The following COL13A1 variants were observed in gnomAD, a reference collection of about 807,000 sequenced individuals.
COL13A1 encodes the protein collagen alpha-1(XIII) chain.
In COL13A1, 89 loss-of-function variants were observed where a neutral mutation model predicts 130.9. The ratio of observed to expected loss-of-function variants is 0.68; its 90% CI spans 0.57 to 0.81. COL13A1 has a LOEUF of 0.81. Ranked by LOEUF, COL13A1 falls within the 30% of genes least tolerant of loss-of-function variation. The pLI, the probability that COL13A1 is intolerant of heterozygous loss-of-function variation, is 0.00. For synonymous variants in COL13A1, 402 were observed against 341.6 expected, an observed-to-expected ratio of 1.18 and a Z score of -1.95; for missense variants, 879 against 934.6, an observed-to-expected ratio of 0.94 and a Z score of 0.78.
intron 38 of COL13A1, among the ~76,000 whole-genome samples, chr10:69,952,160 AT>A (rs1287955516): frequency 6.6e-6 from 1 of 152,224 alleles, no homozygotes; most frequent in Non-Finnish European, 1.5e-5. Context: ...AGAGACACAG[AT>A]AGAACAGGAG....
At chr10:69,866,659 C>G (rs1031077257) in intron 2 of COL13A1, among the ~76,000 whole-genome samples, 1 of 152,084 alleles carries the variant, frequency 6.6e-6, no homozygotes, top group Non-Finnish European at 1.5e-5. Context: ...CACCTCTTGA[C>G]TTTTTCTGTT....
At chr10:69,910,691 G>A (rs1051362245) in intron 17 of COL13A1, among the ~76,000 whole-genome samples, 6 of 152,350 alleles carry the variant, frequency 3.9e-5, no homozygotes, top group Middle Eastern at 6.8e-3. Context: ...GTATCTATTT[G>A]ATCCAAATTT....
At chr10:69,953,532 C>T (rs1399319240) in intron 39 of COL13A1, among the ~76,000 whole-genome samples, 2 of 152,198 alleles carry the variant, frequency 1.3e-5, no homozygotes, top group Admixed American at 1.3e-4. Flanking sequence ...AAGCTGCAGA[C>T]CAGAACTGGT....
At chr10:69,833,975 TC>T (rs774063560) in intron 2 of COL13A1, among the ~76,000 whole-genome samples, 3 of 152,102 alleles carry the variant, frequency 2.0e-5, no homozygotes, top group Non-Finnish European at 4.4e-5. Flanking sequence ...ATGTGATGTA[TC>T]CAGCTGTGTA....
chr10:69,813,802 G>A (rs111309304), intron 1 of COL13A1, among the ~76,000 whole-genome samples: 43 of 152,296 alleles, frequency 2.8e-4, no homozygotes, highest in African/African-American at 9.6e-4. Flanking sequence ...TAACCCCTTT[G>A]GTGGAGCCAG....
intron 2 of COL13A1, among the ~76,000 whole-genome samples, chr10:69,830,957 AT>A (rs1295674611): frequency 7.2e-5 from 11 of 152,074 alleles, no homozygotes; most frequent in Admixed American, 7.2e-4. Context: ...ATCTTTATGG[AT>A]TTAGCATAAT....
intron 2 of COL13A1, among the ~76,000 whole-genome samples, chr10:69,827,841 A>T (rs1414502449): frequency 6.6e-6 from 1 of 152,172 alleles, no homozygotes; most frequent in Admixed American, 6.5e-5. Context: ...CAGGACCTGT[A>T]GCCAGAGCTT....
chr10:69,886,074 C>A (rs772689425), intron 7 of COL13A1, among the ~76,000 whole-genome samples: 128 of 152,298 alleles, frequency 8.4e-4, no homozygotes, highest in Non-Finnish European at 1.5e-3. Flanking sequence ...AGGGTCATAG[C>A]ATGTGAATCC....
intron 27 of COL13A1, 121 bp downstream of exon 27, chr10:69,927,231 T>A: frequency 6.8e-7 from 1 of 1,475,828 alleles, no homozygotes; most frequent in Non-Finnish European, 9.4e-7. Context: ...CAGATTAGGG[T>A]TGACCCAACA....
At chr10:69,857,003 C>G (rs1157770853) in intron 2 of COL13A1, among the ~76,000 whole-genome samples, 1 of 152,222 alleles carries the variant, frequency 6.6e-6, no homozygotes, top group Non-Finnish European at 1.5e-5. Flanking sequence ...TTTCCACCTT[C>G]CCTGGGCCCA....
chr10:69,930,131 G>A, intron 29 of COL13A1, 44 bp downstream of exon 29: 5 of 1,599,470 alleles, frequency 3.1e-6, no homozygotes, highest in Non-Finnish European at 4.3e-6. Flanking sequence ...AGACAGTCTT[G>A]GCCCTGGGGG....
intron 21 of COL13A1, among the ~76,000 whole-genome samples, chr10:69,920,540 T>A (rs72805183): frequency 0.073 from 11,167 of 152,246 alleles, 518 homozygotes; most frequent in Middle Eastern, 0.17. Flanking sequence ...GTCGAGGCCC[T>A]AATCCAATAG....
chr10:69,882,639 A>G (rs927203838), intron 7 of COL13A1, among the ~76,000 whole-genome samples: 5 of 152,236 alleles, frequency 3.3e-5, no homozygotes, highest in African/African-American at 1.2e-4. Context: ...TGGCCAGGTT[A>G]TCCTCATCCC....
chr10:69,857,626 C>T (rs1856801748), intron 2 of COL13A1, among the ~76,000 whole-genome samples: 1 of 152,102 alleles, frequency 6.6e-6, no homozygotes, highest in African/African-American at 2.4e-5. Context: ...CCATCCCTCC[C>T]ACCCCGAAAA....
In COL13A1 at chr10:69,870,184, T is replaced by A. The variant is rs184184832; in HGVS notation, c.373-2000T>A. On this transcript the variant is annotated intron_variant, in intron 3 of 40. Transcript: ENST00000645393. ...TGTATGTGTGTGTACTGTATATATA[T>A]ATTTTTTTTACTTAGGATATATTAA... Among the ~76,000 whole-genome samples, 672 of 143,026 alleles carry A rather than the reference T, an allele frequency of 4.7e-3. 5 individuals carry two copies. The highest frequency in any genetic ancestry group is 0.016 in the African/African-American group (617 of 39,510). 93.8% of individuals were successfully genotyped at this position (143,026 alleles called of 152,430 possible).
At chr10:69,865,799 G>C (rs72805146) in intron 2 of COL13A1, among the ~76,000 whole-genome samples, 14,906 of 152,194 alleles carry the variant, frequency 0.098, 936 homozygotes, top group Middle Eastern at 0.27. Flanking sequence ...GGTCTGGAGA[G>C]GACTTGGTCT....
intron 17 of COL13A1, among the ~76,000 whole-genome samples, chr10:69,906,293 T>C (rs1001952331): frequency 2.0e-5 from 3 of 152,214 alleles, no homozygotes; most frequent in Admixed American, 1.3e-4. Context: ...ATTCCAAGTT[T>C]ACTGACTCTC....
chr10:69,916,500 A>T (rs1203943613), intron 17 of COL13A1, among the ~76,000 whole-genome samples: 1 of 152,100 alleles, frequency 6.6e-6, no homozygotes, highest in African/African-American at 2.4e-5. Flanking sequence ...TTGGCCTCCC[A>T]CTTGTCCCTG....
Position 69,897,427 on chromosome 10 carries a change from C to T in COL13A1, c.685-1270C>T, listed in dbSNP as rs923943217. ...CTGGTGTCTGTGGGCTCTCCCCTCA[C>T]GGTCCCTGTCGCCCTGTCTCTGCCA... On this transcript the variant is annotated intron_variant, in intron 13 of 40. Transcript: ENST00000645393. 50 of 1,598,626 alleles carry T rather than the reference C, an allele frequency of 3.1e-5. No homozygotes were observed. The Admixed American group carries it at 4.4e-4, about 14-fold the overall frequency.
Sources: gnomAD v4.1 joint callset for allele counts (sites outside exome capture counted in the v4.1 genomes callset) on GRCh38, gnomAD v4.1.1 for gene constraint, MANE v1.5 for transcripts, NCBI Gene and HGNC (gene_info 2026-07-23, HGNC 2026-07-21) for gene names.